Variants in RIF1 observed in about 807,000 individuals in gnomAD.
RIF1 encodes the protein replication timing regulatory factor 1.
In RIF1, 45 loss-of-function variants were observed where a neutral mutation model predicts 247.1. That is an observed-to-expected ratio of 0.18 (90% CI 0.14 to 0.23). The LOEUF (loss-of-function observed/expected upper bound fraction) is 0.23, where lower values mean the gene tolerates loss of function less well. RIF1 is among the 10% of genes least tolerant of loss of function. The pLI is 1.00. For missense variants in RIF1, 2,967 were observed against 2,862.5 expected, an observed-to-expected ratio of 1.04 and a Z score of -0.83; for synonymous variants, 1,087 against 978.8, an observed-to-expected ratio of 1.11 and a Z score of -2.06.
intron 9 of RIF1, among the ~76,000 whole-genome samples, chr2:151,431,047 T>C (rs1373537067): frequency 1.3e-5 from 2 of 152,168 alleles, no homozygotes; most frequent in Non-Finnish European, 2.9e-5. Flanking sequence ...TGTGAGGTAA[T>C]GTTTGGGACT....
chr2:151,531,047 G>A, the RIF1 span: 1 of 1,613,504 alleles, frequency 6.2e-7, no homozygotes, highest in Non-Finnish European at 8.5e-7. Flanking sequence ...GGTGTGTCGT[G>A]GATTGTGGTG....
chr2:151,514,436 A>C, the RIF1 span: 1 of 1,575,720 alleles, frequency 6.3e-7, no homozygotes, highest in Non-Finnish European at 8.7e-7. Flanking sequence ...TTTCTATATC[A>C]TGAAAGAAAA....
At position 151,507,149 on chromosome 2, in the gene RIF1, G is replaced by A. The variant is rs989855952; in HGVS notation, c.*1028-580G>A. ...TATGCACAATAATTATGGTCTGGTA[G>A]CCCAAGGGAAATTATTTGATAAGAA... On this transcript the variant is annotated intron_variant and NMD_transcript_variant, in intron 13 of 13. Coordinates refer to the RIF1 transcript ENST00000454583. 23 of 583,212 alleles carry A rather than the reference G, an allele frequency of 3.9e-5. No homozygotes were observed. In the South Asian group the frequency reaches 4.0e-4, roughly 10 times the overall value. 36.1% of individuals were successfully genotyped at this position (583,212 alleles called of 1,614,324 possible).
At chr2:151,532,877 C>T in the RIF1 span, among the ~76,000 whole-genome samples, 2 of 152,116 alleles carry the variant, frequency 1.3e-5, no homozygotes, top group Admixed American at 1.3e-4. Context: ...TTCAGTTGGC[C>T]TTCTAAAAAG....
rs530924450 is a variant in RIF1, at chr2:151,479,880, G to GT, written c.*4812dup. On this transcript the variant is annotated 3_prime_UTR_variant, in exon 36 of 36. Coordinates refer to ENST00000444746, the MANE Select transcript of RIF1 (RefSeq NM_018151.5). ...TAGTTTGATCTGTAAAACAAATTGG[G>GT]TTTCGTGCTTTCTGATGTCCAGTTA... The GT allele has an allele frequency of 3.3e-4, 50 of 152,224 alleles. No homozygotes were observed. Among genetic ancestry groups the GT allele is most frequent in the African/African-American group, 1.2e-3 (49 of 41,544 alleles). The allele number at this position is 152,224 out of a possible 1,614,324, so 9.4% of individuals were successfully genotyped here.
At chr2:151,522,965 A>C in the RIF1 span, among the ~76,000 whole-genome samples, 1 of 152,178 alleles carries the variant, frequency 6.6e-6, no homozygotes, top group Admixed American at 6.5e-5. Flanking sequence ...AGTAAATGGG[A>C]CCCATAGGGT....
At chr2:151,511,171 C>T (rs2073974377), downstream of RIF1, among the ~76,000 whole-genome samples, 1 of 152,238 alleles carries the variant, frequency 6.6e-6, no homozygotes, top group Non-Finnish European at 1.5e-5. Context: ...GTGAGGCTCT[C>T]ACAGCCCAAA....
intron 18 of RIF1, 26 bp from the exon 19 acceptor site, chr2:151,445,312 T>TA: frequency 1.6e-6 from 2 of 1,286,450 alleles, no homozygotes; most frequent in Non-Finnish European, 1.1e-6. Flanking sequence ...GTAATTTGTC[T>TA]AACTTCATTA....
chr2:151,514,729 G>A, the RIF1 span: 1 of 922,148 alleles, frequency 1.1e-6, no homozygotes, highest in Non-Finnish European at 1.6e-6. Flanking sequence ...GTTAGGTGGT[G>A]ATGTAAATGG....
At chr2:151,527,717 A>T in the RIF1 span, 8 of 663,258 alleles carry the variant, frequency 1.2e-5, no homozygotes, top group Non-Finnish European at 2.1e-5. Context: ...GGAAGCCCCA[A>T]TTGAAATTTC....
chr2:151,493,420 T>C, intron 9 of RIF1: 2 of 1,606,768 alleles, frequency 1.2e-6, no homozygotes, highest in Non-Finnish European at 1.7e-6. Context: ...CGGAGTTGCT[T>C]TTCTCATGTT....
intron 9 of RIF1, among the ~76,000 whole-genome samples, chr2:151,489,716 G>A (rs2054528506): frequency 6.6e-6 from 1 of 151,838 alleles, no homozygotes; most frequent in Non-Finnish European, 1.5e-5. Context: ...GATAGTAGGT[G>A]AGACCAATGA....
chr2:151,420,614 G>A (rs1472871390), intron 7 of RIF1, among the ~76,000 whole-genome samples: 1 of 151,684 alleles, frequency 6.6e-6, no homozygotes, highest in Non-Finnish European at 1.5e-5. Context: ...GCATGCGCCT[G>A]TAGTCTCAGA....
chr2:151,471,728 T>C (rs2048546504), intron 34 of RIF1, among the ~76,000 whole-genome samples: 1 of 152,216 alleles, frequency 6.6e-6, no homozygotes, highest in Non-Finnish European at 1.5e-5. Flanking sequence ...CATTGGCTTA[T>C]ATCTCTGTTT....
Position 151,499,230 on chromosome 2 carries a change from A to G in RIF1, c.*514-115A>G, listed in dbSNP as rs1575119187. On this transcript the variant is annotated intron_variant and NMD_transcript_variant, in intron 10 of 13. Transcript: ENST00000454583. ...ATTGGGATGAGTTGATTAGATTTTT[A>G]AAATCTAGCCATTAATCTTTTTAAA... 5.9e-6 allele frequency: 5 copies of G among 849,084 alleles called. No individual in the cohort carries two copies. The South Asian group carries it at 8.8e-5, about 15-fold the overall frequency. 52.6% of individuals were successfully genotyped at this position (849,084 alleles called of 1,614,324 possible). A position where few individuals can be genotyped will look rare whatever the true frequency, so the allele number is the denominator to read the frequency against.
chr2:151,459,166 T>C (rs994718894), intron 25 of RIF1, among the ~76,000 whole-genome samples: 6 of 152,172 alleles, frequency 3.9e-5, no homozygotes, highest in Non-Finnish European at 2.9e-5. Flanking sequence ...GTAAAATACA[T>C]AATTGTTGCT....
rs1574132357 is a variant in RIF1, at chr2:151,464,366, TC to T, written c.4847del (p.Ser1616PhefsTer13). On this transcript the variant is annotated frameshift_variant, in exon 30 of 36. Transcript: ENST00000444746. LOFTEE classifies it high-confidence loss of function. The part of the protein sequence containing the change: ...ATSEEDVSIK[S>X]PICEKQDESN... ...TTCTGAAGAAGATGTAAGCATAAAA[TC>T]TCCGATTTGCGAAAAACAAGATGAA... The T allele has an allele frequency of 6.2e-7, 1 of 1,610,490 alleles. No individual in the cohort carries two copies. Among genetic ancestry groups the T allele is most frequent in the African/African-American group, 1.3e-5 (1 of 74,770 alleles).
intron 22 of RIF1, among the ~76,000 whole-genome samples, chr2:151,455,608 A>C (rs1209021487): frequency 2.6e-5 from 4 of 152,244 alleles, no homozygotes; most frequent in African/African-American, 9.6e-5. Flanking sequence ...ATACAATATG[A>C]CAATTATTTA....
At chr2:151,482,211 T>G (rs2049199224), downstream of RIF1, 1 of 152,256 alleles carries the variant, frequency 6.6e-6, no homozygotes, top group Non-Finnish European at 1.5e-5. Flanking sequence ...TTTGGTTTTT[T>G]GTTTTGTTGT....
Sources: gnomAD v4.1 joint callset for allele counts (sites outside exome capture counted in the v4.1 genomes callset) on GRCh38, gnomAD v4.1.1 for gene constraint, MANE v1.5 for transcripts, NCBI Gene and HGNC (gene_info 2026-07-23, HGNC 2026-07-21) for gene names.